Variants in FBXL17 observed in about 807,000 individuals in gnomAD.
The protein encoded by FBXL17 is F-box/LRR-repeat protein 17.
FBXL17 carries 22 observed loss-of-function variants against 66.2 expected under a neutral mutation model. The observed-to-expected ratio is 0.33, with a 90% CI of 0.24 to 0.47. FBXL17 has a LOEUF of 0.47. Ranked by LOEUF, FBXL17 falls within the 20% of genes least tolerant of loss-of-function variation. FBXL17 has a pLI of 1.00. For missense variants in FBXL17, 878 were observed against 948.2 expected (o/e 0.93, Z 0.97); for synonymous variants, 474 against 400.5 (o/e 1.18, Z -2.19).
chr5:108,108,932 C>T (rs1229417364), intron 6 of FBXL17, among the ~76,000 whole-genome samples: 1 of 151,976 alleles, frequency 6.6e-6, no homozygotes, highest in Non-Finnish European at 1.5e-5. Flanking sequence ...TACAGGCATG[C>T]ACCATCACGC....
chr5:107,962,143 T>C (rs987689265), intron 7 of FBXL17, among the ~76,000 whole-genome samples: 4 of 152,158 alleles, frequency 2.6e-5, no homozygotes, highest in Non-Finnish European at 4.4e-5. Flanking sequence ...GAAAAAGGTC[T>C]GGAGATAGTG....
At chr5:108,330,440 C>T (rs949037412) in intron 4 of FBXL17, among the ~76,000 whole-genome samples, 2 of 152,162 alleles carry the variant, frequency 1.3e-5, no homozygotes, top group Admixed American at 6.5e-5. Flanking sequence ...ACTGAATAAA[C>T]TTCAATGCAA....
At chr5:108,183,223 T>A in intron 6 of FBXL17, among the ~76,000 whole-genome samples, 1 of 151,982 alleles carries the variant, frequency 6.6e-6, no homozygotes, top group Middle Eastern at 3.2e-3. Flanking sequence ...GTATTTTTAG[T>A]AAAGACGGGG....
chr5:108,223,159 A>G (rs138122428), intron 5 of FBXL17, among the ~76,000 whole-genome samples: 238 of 152,280 alleles, frequency 1.6e-3, no homozygotes, highest in African/African-American at 5.6e-3. Context: ...TATTCACTGT[A>G]TGATCCTACC....
chr5:108,316,031 T>C lies in FBXL17; in HGVS notation c.1506+32368A>G, dbSNP rs534078958. On this transcript the variant is annotated intron_variant, in intron 4 of 8. Coordinates refer to ENST00000542267, the MANE Select transcript of FBXL17 (RefSeq NM_001163315.3). ...GATGATGAGGCTATCTCCTGACATC[T>C]ATTAAACAAAGGTCTTCAGTAATAA... 1.2e-4 allele frequency among the ~76,000 whole-genome samples: 18 copies of C among 151,578 alleles called. No homozygotes were observed. The South Asian group carries it at 3.7e-3, about 31-fold the overall frequency.
chr5:107,949,839 T>A (rs751984080), intron 7 of FBXL17, among the ~76,000 whole-genome samples: 5 of 152,212 alleles, frequency 3.3e-5, no homozygotes, highest in Non-Finnish European at 7.4e-5. Flanking sequence ...TTGCCCACTG[T>A]CCAACAGGAA....
At chr5:107,959,462 G>T (rs1458737378) in intron 7 of FBXL17, among the ~76,000 whole-genome samples, 1 of 150,610 alleles carries the variant, frequency 6.6e-6, no homozygotes, top group African/African-American at 2.5e-5. Context: ...CTGTACATAT[G>T]TTGTGTTGTG....
At chr5:108,014,949 A>G (rs1406952273) in intron 7 of FBXL17, among the ~76,000 whole-genome samples, 1 of 152,170 alleles carries the variant, frequency 6.6e-6, no homozygotes, top group Non-Finnish European at 1.5e-5. Context: ...CGTGAGACTT[A>G]TTCACTACCG....
chr5:108,381,118 G>T lies in FBXL17; in HGVS notation c.574C>A (p.Pro192Thr), dbSNP rs895874457. 4 of 1,354,486 alleles carry T rather than the reference G, an allele frequency of 3.0e-6. No individual in the cohort carries two copies. Among genetic ancestry groups the T allele is most frequent in the Non-Finnish European group, 2.8e-6 (3 of 1,056,264 alleles). The allele number at this position is 1,354,486 out of a possible 1,614,324, so 83.9% of individuals were successfully genotyped here. The change falls in exon 1 of 9, where the codon CCC (proline) becomes ACC (threonine). Residue 192 changes from proline to threonine, a missense_variant. Around this residue, in one of 4 missense-constraint regions of FBXL17, gnomAD observed 605 missense variants for 509.5 expected, o/e 1.19. Transcript: ENST00000542267. ...TTCCGCTTGCACACCATTTCGGGGGGCGTAGGGAGCTCGGCCGGTGACGGT... is the reference window on the plus strand; with the variant it reads ...TTCCGCTTGCACACCATTTCGGGGGTCGTAGGGAGCTCGGCCGGTGACGGT... ...PTPSPAELPT[P>T]PEMVCKRKGA...
chr5:108,170,695 G>T (rs944186986), intron 6 of FBXL17, among the ~76,000 whole-genome samples: 1 of 152,000 alleles, frequency 6.6e-6, no homozygotes, highest in Non-Finnish European at 1.5e-5. Context: ...CACCAGGCCC[G>T]GCTAATTTTT....
chr5:107,926,122 C>T (rs1445447012), intron 7 of FBXL17, among the ~76,000 whole-genome samples: 1 of 152,144 alleles, frequency 6.6e-6, no homozygotes, highest in Non-Finnish European at 1.5e-5. Flanking sequence ...CATTGCTAAG[C>T]CCTAGCTCCT....
chr5:107,905,693 G>C (rs1342772180), intron 7 of FBXL17, among the ~76,000 whole-genome samples: 1 of 152,064 alleles, frequency 6.6e-6, no homozygotes, highest in African/African-American at 2.4e-5. Context: ...TCTCTCTCTG[G>C]ATATACAGAT....
rs74721157 is a variant in FBXL17, at chr5:107,916,978, G to C, written c.1823-35799C>G. Among the ~76,000 whole-genome samples, 1,342 of 152,282 alleles carry C rather than the reference G, an allele frequency of 8.8e-3. 10 individuals carry two copies. The highest frequency in any genetic ancestry group is 0.014 in the Non-Finnish European group (978 of 68,004). On this transcript the variant is annotated intron_variant, in intron 7 of 8. Coordinates refer to ENST00000542267, the MANE Select transcript of FBXL17 (RefSeq NM_001163315.3). ...CTAAGACATAGCAACTTTTGGTGAA[G>C]AATCCTACTTAGGATTTCCTATTTC...
chr5:107,871,068 A>AAAAAAAAAAAAAAAAC (rs1561511887), intron 8 of FBXL17, among the ~76,000 whole-genome samples: 1 of 123,908 alleles, frequency 8.1e-6, no homozygotes, highest in Non-Finnish European at 1.7e-5. Context: ...AAAAAAAAAA[A>AAAAAAAAAAAAAAAAC]AAAAAAAAAA....
chr5:108,350,797 T>G (rs1380884059), intron 3 of FBXL17, among the ~76,000 whole-genome samples: 1 of 152,160 alleles, frequency 6.6e-6, no homozygotes, highest in Non-Finnish European at 1.5e-5. Context: ...ATCAAAAGAT[T>G]TACCTCCCAT....
At chr5:108,292,876 G>C (rs1758172801) in intron 4 of FBXL17, among the ~76,000 whole-genome samples, 1 of 152,070 alleles carries the variant, frequency 6.6e-6, no homozygotes, top group African/African-American at 2.4e-5. Context: ...GAGGCGGGTG[G>C]ATCACGAGGT....
intron 6 of FBXL17, among the ~76,000 whole-genome samples, chr5:108,127,915 A>T (rs1750783992): frequency 6.6e-6 from 1 of 152,186 alleles, no homozygotes; most frequent in African/African-American, 2.4e-5. Context: ...TTCATAAAAC[A>T]ATACTTTTTT....
intron 4 of FBXL17, among the ~76,000 whole-genome samples, chr5:108,344,973 A>G (rs1211277834): frequency 6.6e-6 from 1 of 152,188 alleles, no homozygotes; most frequent in Non-Finnish European, 1.5e-5. Flanking sequence ...ATACCTATGT[A>G]GGTACATGAC....
intron 8 of FBXL17, among the ~76,000 whole-genome samples, chr5:107,867,715 C>T (rs145579811): frequency 6.6e-6 from 1 of 152,306 alleles, no homozygotes; most frequent in African/African-American, 2.4e-5. Context: ...GTTGGTATGC[C>T]TTCACCCCTA....
Sources: allele counts gnomAD v4.1 joint callset (sites outside exome capture counted in the v4.1 genomes callset), GRCh38; gene constraint gnomAD v4.1.1; regional missense constraint gnomAD v4.1.1; transcripts MANE v1.5; gene names NCBI Gene and HGNC (gene_info 2026-07-23, HGNC 2026-07-21).